The following CALCOCO1 variants were observed in gnomAD, a reference collection of about 807,000 sequenced individuals.
CALCOCO1 encodes calcium binding and coiled-coil domain 1.
CALCOCO1 carries 44 observed loss-of-function variants against 86.3 expected under a neutral mutation model. That is an observed-to-expected ratio of 0.51 (90% confidence interval 0.40 to 0.66). The LOEUF is 0.66. Ranked by LOEUF, CALCOCO1 falls within the 30% of genes least tolerant of loss-of-function variation. The pLI is 0.00. For missense variants in CALCOCO1, 708 were observed against 851.1 expected (o/e 0.83, Z 2.09); for synonymous variants, 297 against 327.6 (o/e 0.91, Z 1.01).
intron 7 of CALCOCO1, among the ~76,000 whole-genome samples, chr12:53,717,546 G>C (rs1945758380): frequency 6.6e-6 from 1 of 152,196 alleles, no homozygotes; most frequent in Admixed American, 6.5e-5. Context: ...GTCTTTCTCT[G>C]TTCCTAGAAT....
In CALCOCO1 at chr12:53,721,517, G is replaced by T; in HGVS notation, c.708C>A (p.Asp236Glu). 2 of 1,613,794 alleles carry T rather than the reference G, an allele frequency of 1.2e-6. No individual in the cohort carries two copies. The highest frequency in any genetic ancestry group is 2.2e-5 in the South Asian group (2 of 91,034). The change falls in exon 6 of 15, where the codon GAC becomes GAA. Residue 236 changes from aspartate (D) to glutamate (E), a missense_variant. Coordinates refer to ENST00000550804, the MANE Select transcript of CALCOCO1 (RefSeq NM_020898.3). ...HVARILELED[D>E]IQTISEKVLT... is the part of the protein sequence containing the mutation. ...GCACTTTCTCACTGATGGTCTGGAT[G>T]TCATCCTCTAGCTCCAGGATGCGTG...
chr12:53,723,191 A>G (rs994626861), intron 4 of CALCOCO1, among the ~76,000 whole-genome samples: 1 of 152,196 alleles, frequency 6.6e-6, no homozygotes, highest in African/African-American at 2.4e-5. Context: ...GGTATTGGAC[A>G]GTACAGGTCT....
chr12:53,724,684 T>C lies in CALCOCO1; in HGVS notation c.220A>G (p.Thr74Ala). The C allele has an allele frequency of 6.2e-7, 1 of 1,614,058 alleles. No homozygotes were observed. Among genetic ancestry groups the C allele is most frequent in the Non-Finnish European group, 8.5e-7 (1 of 1,179,968 alleles). The change falls in exon 3 of 15, where the codon ACT becomes GCT. Residue 74 changes from threonine to alanine, a missense_variant. Thr to Ala is a moderately conservative substitution (Grantham distance 58). Coordinates refer to ENST00000550804, the MANE Select transcript of CALCOCO1 (RefSeq NM_020898.3). ...CTGGTGTGAATGGGGGAACCATCAG[T>C]TGTACTTTCAGGCACGGAAGACCAC... ...FVWSSVPEST[T>A]DGSPIHTSVQ...
In CALCOCO1 at chr12:53,713,784, C is replaced by T. The variant is rs1175566937; in HGVS notation, c.1708G>A (p.Ala570Thr). ...TGGCTGATGACAACAAGGGGAGAAG[C>T]CTCTCGAGGCCCAGCAGGAGAGGAG... is the stretch of plus-strand genomic sequence containing the variant. ...PGSSPAGPRE[A>T]SPLVVISQPA... The change falls in exon 13 of 15, where the codon GCT (alanine) becomes ACT (threonine). Residue 570 changes from alanine to threonine, a missense_variant. Physicochemically the swap from Ala to Thr is moderately conservative, Grantham distance 58 (BLOSUM62 0). Coordinates refer to ENST00000550804, the MANE Select transcript of CALCOCO1 (RefSeq NM_020898.3). The T allele has an allele frequency of 1.2e-6, 2 of 1,603,860 alleles. No individual in the cohort carries two copies. Among genetic ancestry groups the T allele is most frequent in the South Asian group, 1.1e-5 (1 of 89,694 alleles).
intron 5 of CALCOCO1, 87 bp downstream of exon 5, chr12:53,721,938 A>AT (rs770089297): frequency 2.7e-6 from 4 of 1,481,352 alleles, no homozygotes; most frequent in African/African-American, 1.4e-5. Flanking sequence ...GCCCACTAAC[A>AT]TCTCTCCTTC....
At chr12:53,716,782 G>A (rs536674349) in intron 7 of CALCOCO1, among the ~76,000 whole-genome samples, 5 of 151,912 alleles carry the variant, frequency 3.3e-5, no homozygotes, top group Non-Finnish European at 7.4e-5. Flanking sequence ...TCTTATTTCC[G>A]TCCAGGGTAC....
In CALCOCO1 at chr12:53,716,513, C is replaced by T. The variant is rs1027758403; in HGVS notation, c.850-98G>A. On this transcript the variant is annotated intron_variant, in intron 7 of 14. Transcript: ENST00000550804. ...TGAGAGAGGTCAAGGTTCCACTTCT[C>T]AGATTTAACACACACTCAAGCCTTC... 3.2e-6 allele frequency: 4 copies of T among 1,255,328 alleles called. No homozygotes were observed. In the African/African-American group the frequency reaches 5.9e-5, roughly 19 times the overall value. 77.8% of individuals were successfully genotyped at this position (1,255,328 alleles called of 1,614,324 possible).
In CALCOCO1 at chr12:53,713,157, C is replaced by G; in HGVS notation, c.1841G>C (p.Gly614Ala). Residue 614 changes from glycine to alanine, a missense_variant, in exon 14 of 15, where the codon GGT becomes GCT. Coordinates refer to ENST00000550804, the MANE Select transcript of CALCOCO1 (RefSeq NM_020898.3). ...AGGAAGCAGTAAGTTGGCCTCCTCACCCCCACTCTGCACAGCTGCCATCAG... is the reference window on the plus strand; with the variant it reads ...AGGAAGCAGTAAGTTGGCCTCCTCAGCCCCACTCTGCACAGCTGCCATCAG... ...SVLMAAVQSG[G>A]EEANLLLPEL... 1 of 1,614,120 alleles carries G rather than the reference C, an allele frequency of 6.2e-7. No homozygotes were observed. The highest frequency in any genetic ancestry group is 1.3e-5 in the African/African-American group (1 of 75,036).
Position 53,709,991 on chromosome 12 carries a change from AAG to A in CALCOCO1, c.*1951_*1952del, listed in dbSNP as rs1249221930. The A allele has an allele frequency of 2.0e-5, 3 of 147,184 alleles. No homozygotes were observed. Among genetic ancestry groups the A allele is most frequent in the Non-Finnish European group, 4.6e-5 (3 of 65,906 alleles). The allele number at this position is 147,184 out of a possible 1,614,324, so 9.1% of individuals were successfully genotyped here. ...CACTACCCCGGCAAGTTTATAGGCCAAGAGAGGGAGAGGGAGAGGGGGGAAGG... is the reference window on the plus strand; with the variant it reads ...CACTACCCCGGCAAGTTTATAGGCCAAGAGGGAGAGGGAGAGGGGGGAAGG... On this transcript the variant is annotated 3_prime_UTR_variant, in exon 15 of 15. Coordinates refer to ENST00000550804, the MANE Select transcript of CALCOCO1 (RefSeq NM_020898.3).
chr12:53,711,650 T>C lies in CALCOCO1; in HGVS notation c.*294A>G. The C allele has an allele frequency of 3.0e-6, 1 of 336,238 alleles. No homozygotes were observed. The highest frequency in any genetic ancestry group is 5.4e-6 in the Non-Finnish European group (1 of 186,096). 20.8% of individuals were successfully genotyped at this position (336,238 alleles called of 1,614,324 possible). ...AGCAACCAGGGCTAGGAGTGGACGA[T>C]TCTATTCCCACAGGGGAAGGCCTCC... On this transcript the variant is annotated 3_prime_UTR_variant, in exon 15 of 15. Transcript: ENST00000550804.
At chr12:53,724,333 C>T (rs1464765416) in intron 3 of CALCOCO1, 3 of 393,140 alleles carry the variant, frequency 7.6e-6, no homozygotes, top group Non-Finnish European at 1.4e-5. Flanking sequence ...GAGATTTGAA[C>T]CCAGGTCTTT....
chr12:53,720,057 T>C (rs1160385857), intron 6 of CALCOCO1, among the ~76,000 whole-genome samples: 1 of 152,248 alleles, frequency 6.6e-6, no homozygotes, highest in Non-Finnish European at 1.5e-5. Context: ...TCTTTTTGTG[T>C]AATATTTTAA....
chr12:53,714,499 G>T, intron 11 of CALCOCO1, 99 bp downstream of exon 11: 1 of 920,626 alleles, frequency 1.1e-6, no homozygotes, highest in South Asian at 1.4e-5. Context: ...CTCTTGGAGA[G>T]AACAGTTTCT....
chr12:53,727,019 G>A (rs1946052054), intron 1 of CALCOCO1, among the ~76,000 whole-genome samples: 2 of 152,142 alleles, frequency 1.3e-5, no homozygotes, highest in Non-Finnish European at 2.9e-5. Flanking sequence ...CTACACCTTG[G>A]AAGGTCCCCC....
chr12:53,713,067 C>T (rs1327508512), intron 14 of CALCOCO1, 33 bp downstream of exon 14: 1 of 1,581,204 alleles, frequency 6.3e-7, no homozygotes, highest in Non-Finnish European at 8.7e-7. Context: ...GACCTCCTCC[C>T]ACCTCCCTCC....
In CALCOCO1 at chr12:53,715,310, T is replaced by A; in HGVS notation, c.1276A>T (p.Ile426Phe). Residue 426 changes from isoleucine to phenylalanine, a missense_variant, in exon 10 of 15, where the codon ATC becomes TTC. Coordinates refer to ENST00000550804, the MANE Select transcript of CALCOCO1 (RefSeq NM_020898.3). ...AGTATCTCTGCACTCAGCTTCAGGA[T>A]CTTGTCCTTCTCTGCCTGAGAGATA... ...LQSVEAEKDK[I>F]LKLSAEILRL... 2 of 1,614,146 alleles carry A rather than the reference T, an allele frequency of 1.2e-6. No individual in the cohort carries two copies. Among genetic ancestry groups the A allele is most frequent in the South Asian group, 2.2e-5 (2 of 91,074 alleles).
chr12:53,721,826 T>C, intron 5 of CALCOCO1, 199 bp downstream of exon 5: 1 of 794,212 alleles, frequency 1.3e-6, no homozygotes, highest in Non-Finnish European at 2.0e-6. Flanking sequence ...TTCAAAGAAC[T>C]GAGTCTCATT....
At chr12:53,713,062 C>T in intron 14 of CALCOCO1, 38 bp downstream of exon 14, 1 of 1,568,514 alleles carries the variant, frequency 6.4e-7, no homozygotes, top group African/African-American at 1.3e-5. Flanking sequence ...CCTCTGACCT[C>T]CTCCCACCTC....
chr12:53,724,181 C>T (rs1164853993), intron 3 of CALCOCO1: 3 of 436,182 alleles, frequency 6.9e-6, no homozygotes, highest in East Asian at 8.8e-5. Context: ...CAGGCATGCA[C>T]CACCACGCCT....
Sources: allele counts gnomAD v4.1 joint callset (sites outside exome capture counted in the v4.1 genomes callset), GRCh38; gene constraint gnomAD v4.1.1; transcripts MANE v1.5; gene names NCBI Gene and HGNC (gene_info 2026-07-23, HGNC 2026-07-21).